NEBL: variants seen among roughly 807,000 people sequenced by gnomAD.
NEBL encodes nebulette.
NEBL carries 122 observed loss-of-function variants against 140.2 expected under a neutral mutation model. That is an observed-to-expected ratio of 0.87 (90% CI 0.75 to 1.01). NEBL has a LOEUF of 1.01. NEBL is among the 50% of genes least tolerant of loss of function. NEBL has a pLI of 0.00. For missense variants in NEBL, 1,365 were observed against 1,231.3 expected (o/e 1.11, Z -1.62); for synonymous variants, 436 against 398.9 (o/e 1.09, Z -1.11).
intron 3 of NEBL, among the ~76,000 whole-genome samples, chr10:21,215,795 G>A (rs1841983338): frequency 2.0e-5 from 3 of 152,006 alleles, no homozygotes; most frequent in Admixed American, 6.6e-5. Flanking sequence ...TGAGTAAATG[G>A]GACCATAGGC....
chr10:20,935,913 T>A (rs982975918), intron 4 of NEBL, among the ~76,000 whole-genome samples: 7 of 152,098 alleles, frequency 4.6e-5, no homozygotes, highest in Non-Finnish European at 8.8e-5. Context: ...CAGAAAAAAA[T>A]TGCAGCACTA....
At chr10:20,852,490 G>T in intron 10 of NEBL, 55 bp downstream of exon 10, 1 of 1,224,078 alleles carries the variant, frequency 8.2e-7, no homozygotes, top group South Asian at 1.2e-5. Context: ...GCGGGCCTCA[G>T]GATGGTTACG....
intron 2 of NEBL, among the ~76,000 whole-genome samples, chr10:21,115,100 T>C (rs928727774): frequency 5.9e-5 from 9 of 151,918 alleles, no homozygotes; most frequent in Non-Finnish European, 1.3e-4. Context: ...AGTTTTGTAA[T>C]AAACGTCTTT....
chr10:21,095,369 G>A (rs890287810), intron 2 of NEBL, among the ~76,000 whole-genome samples: 3 of 152,290 alleles, frequency 2.0e-5, no homozygotes, highest in Admixed American at 6.5e-5. Context: ...AGTGATGACC[G>A]TTGACAAGGA....
chr10:21,030,715 G>A (rs1274880930), intron 2 of NEBL: 2 of 464,938 alleles, frequency 4.3e-6, no homozygotes, highest in Non-Finnish European at 8.5e-6. Context: ...AGGAGACAGA[G>A]GGAACAAAGA....
At chr10:21,196,960 C>T (rs891522726) in intron 3 of NEBL, among the ~76,000 whole-genome samples, 8 of 152,220 alleles carry the variant, frequency 5.3e-5, no homozygotes, top group African/African-American at 1.7e-4. Flanking sequence ...TCATGAAGTG[C>T]GAATTTTTTT....
chr10:20,906,368 C>T (rs1432767253), intron 4 of NEBL, among the ~76,000 whole-genome samples: 1 of 152,070 alleles, frequency 6.6e-6, no homozygotes, highest in African/African-American at 2.4e-5. Context: ...CCAGGGAAAA[C>T]AATACTACTG....
At chr10:20,885,536 T>A (rs1846437723) in intron 4 of NEBL, among the ~76,000 whole-genome samples, 1 of 152,178 alleles carries the variant, frequency 6.6e-6, no homozygotes, top group African/African-American at 2.4e-5. Flanking sequence ...AAATGATAGA[T>A]TCCAAAATAT....
intron 2 of NEBL, among the ~76,000 whole-genome samples, chr10:21,082,761 ATTT>A (rs71392113): frequency 3.4e-4 from 37 of 109,536 alleles, no homozygotes; most frequent in African/African-American, 1.2e-3. Flanking sequence ...GGAGGGATGC[ATTT>A]TTTTTTTTTT....
chr10:21,071,326 A>G (rs1835809332), intron 2 of NEBL, among the ~76,000 whole-genome samples: 1 of 151,976 alleles, frequency 6.6e-6, no homozygotes, highest in Non-Finnish European at 1.5e-5. Context: ...ATTACCACCC[A>G]CAAAACCCAA....
At chr10:21,078,829 T>G (rs1050807745) in intron 2 of NEBL, among the ~76,000 whole-genome samples, 61 of 152,324 alleles carry the variant, frequency 4.0e-4, no homozygotes, top group South Asian at 4.1e-4. Flanking sequence ...AGTTGCAGTC[T>G]TAGTGTTTCA....
rs947267160 is a variant in NEBL at position 20,823,320 on chromosome 10, A to C, written c.1870-20T>G. Reference sequence around the variant, plus strand: ...TTTCACCTGCATAATTTATAAGAATATAACGTTAACTTTATTCTATGCAAG... The same window carrying C: ...TTTCACCTGCATAATTTATAAGAATCTAACGTTAACTTTATTCTATGCAAG... On this transcript the variant is annotated intron_variant, in intron 18 of 27. Transcript: ENST00000377122. The C allele has an allele frequency of 6.5e-7, 1 of 1,543,398 alleles. No individual in the cohort carries two copies. The highest frequency in any genetic ancestry group is 8.9e-7 in the Non-Finnish European group (1 of 1,122,376).
chr10:20,813,438 T>A (rs567309768), intron 23 of NEBL, among the ~76,000 whole-genome samples: 59 of 152,226 alleles, frequency 3.9e-4, no homozygotes, highest in African/African-American at 1.4e-3. Flanking sequence ...ATATACTTTT[T>A]TTATGTCCTG....
chr10:21,243,233 C>T (rs1842464311), intron 3 of NEBL, among the ~76,000 whole-genome samples: 1 of 151,570 alleles, frequency 6.6e-6, no homozygotes, highest in Non-Finnish European at 1.5e-5. Context: ...GACATCTTGT[C>T]AACCCGCAGG....
intron 3 of NEBL, among the ~76,000 whole-genome samples, chr10:21,209,573 G>T (rs1370322910): frequency 1.3e-5 from 2 of 151,542 alleles, no homozygotes; most frequent in African/African-American, 4.8e-5. Flanking sequence ...CGTGCCAATA[G>T]CACATAAGCA....
chr10:21,195,913 A>G (rs1841640489), intron 3 of NEBL, among the ~76,000 whole-genome samples: 1 of 152,168 alleles, frequency 6.6e-6, no homozygotes, highest in South Asian at 2.1e-4. Context: ...CACAACCAAA[A>G]TTAAAGCAAT....
chr10:21,192,745 T>C (rs1362727785), intron 3 of NEBL, among the ~76,000 whole-genome samples: 1 of 150,018 alleles, frequency 6.7e-6, no homozygotes, highest in African/African-American at 2.5e-5. Flanking sequence ...CGAGGGGGGC[T>C]GAGGCAGGAG....
intron 2 of NEBL, among the ~76,000 whole-genome samples, chr10:21,163,000 G>C (rs888992372): frequency 3.9e-5 from 6 of 152,190 alleles, no homozygotes; most frequent in African/African-American, 1.4e-4. Context: ...CTCATTATTA[G>C]ATTGGATATT....
intron 3 of NEBL, among the ~76,000 whole-genome samples, chr10:21,013,487 T>C (rs1261364816): frequency 6.6e-6 from 1 of 152,126 alleles, no homozygotes; most frequent in Non-Finnish European, 1.5e-5. Flanking sequence ...GAGGCAAGCA[T>C]AAAAGGCTTC....
Sources: gnomAD v4.1 joint callset for allele counts (sites outside exome capture counted in the v4.1 genomes callset) on GRCh38, gnomAD v4.1.1 for gene constraint, MANE v1.5 for transcripts, NCBI Gene and HGNC (gene_info 2026-07-23, HGNC 2026-07-21) for gene names.